Variants in CPT1A observed in about 807,000 individuals in gnomAD.
The protein encoded by CPT1A is carnitine O-palmitoyltransferase 1, liver isoform.
In CPT1A, 64 loss-of-function variants were observed where a neutral mutation model predicts 100.8. The ratio of observed to expected loss-of-function variants is 0.63; its 90% CI spans 0.52 to 0.78. The LOEUF (loss-of-function observed/expected upper bound fraction) is 0.78, where lower values mean the gene tolerates loss of function less well. CPT1A is among the 30% of genes least tolerant of loss of function. The probability of loss-of-function intolerance (pLI) is 0.00; values close to 1 mark genes in which losing one functional copy is unlikely to be tolerated. For synonymous variants in CPT1A, 363 were observed against 396.0 expected (o/e 0.92, Z 0.99); for missense variants, 802 against 1,034.1 (o/e 0.78, Z 3.08).
intron 1 of CPT1A, among the ~76,000 whole-genome samples, chr11:68,826,404 C>A (rs995011822): frequency 6.6e-6 from 1 of 150,412 alleles, no homozygotes; most frequent in Non-Finnish European, 1.5e-5. Flanking sequence ...CGAGACCAGG[C>A]CACTGCACTC....
chr11:68,839,885 T>TTCCCC (rs1225881402), intron 1 of CPT1A, among the ~76,000 whole-genome samples: 3 of 152,160 alleles, frequency 2.0e-5, no homozygotes, highest in African/African-American at 7.2e-5. Flanking sequence ...TTTAATTCTC[T>TTCCCC]TCCCCTCCAG....
At chr11:68,825,103 C>G (rs1366956683) in intron 1 of CPT1A, among the ~76,000 whole-genome samples, 1 of 151,996 alleles carries the variant, frequency 6.6e-6, no homozygotes, top group African/African-American at 2.4e-5. Flanking sequence ...TATCTTTTAT[C>G]ATATCTGGGA....
chr11:68,762,946 T>TC (rs1477343608), intron 14 of CPT1A, among the ~76,000 whole-genome samples, 185 bp from the exon 15 acceptor site: 8 of 152,092 alleles, frequency 5.3e-5, no homozygotes, highest in Non-Finnish European at 1.2e-4. Flanking sequence ...AGCTTCAACC[T>TC]CCCCCTGCTC....
intron 9 of CPT1A, 66 bp downstream of exon 9, chr11:68,793,249 C>T (rs542321084): frequency 8.0e-7 from 1 of 1,245,416 alleles, no homozygotes; most frequent in Non-Finnish European, 1.1e-6. Flanking sequence ...TTTGACACTT[C>T]CTAATTCTGA....
rs1388277246 is a variant in CPT1A at position 68,793,295 on chromosome 11, C to T, written c.967+20G>A. On this transcript the variant is annotated intron_variant, in intron 9 of 18. Coordinates refer to ENST00000265641, the MANE Select transcript of CPT1A (RefSeq NM_001876.4). ...GGAAAGTGCCGATTCTCCAGGGGGC[C>T]CTGAAGAAGCTTGACTCACCTGTCT... is the stretch of plus-strand genomic sequence containing the variant. 7 of 1,587,464 alleles carry T rather than the reference C, an allele frequency of 4.4e-6. No homozygotes were observed. In the Admixed American group the frequency reaches 5.1e-5, roughly 12 times the overall value.
intron 1 of CPT1A, among the ~76,000 whole-genome samples, chr11:68,826,894 AACAG>A (rs1334343444): frequency 6.6e-6 from 1 of 152,158 alleles, no homozygotes; most frequent in African/African-American, 2.4e-5. Flanking sequence ...CCTTCCTGGA[AACAG>A]ACAGCAGCCA....
At chr11:68,785,419 G>T (rs1376882737) in intron 9 of CPT1A, among the ~76,000 whole-genome samples, 1 of 151,808 alleles carries the variant, frequency 6.6e-6, no homozygotes, top group Non-Finnish European at 1.5e-5. Flanking sequence ...AAATTAGCCA[G>T]GTGTGGTGAC....
Position 68,773,384 on chromosome 11 carries a change from C to T in CPT1A, c.1621G>A (p.Ala541Thr). Residue 541 changes from alanine to threonine, a missense_variant, in exon 14 of 19, where the codon GCA becomes ACA. Ala to Thr is a moderately conservative substitution (Grantham distance 58). Around this residue, in one of 4 missense-constraint regions of CPT1A, gnomAD observed 627 missense variants for 799.3 expected, o/e 0.78. Coordinates refer to ENST00000265641, the MANE Select transcript of CPT1A (RefSeq NM_001876.4). ...ETSLNTANLL[A>T]NDVDFHSFPF... is the part of the protein sequence containing the mutation. ...AAGGAATGGAAATCCACGTCGTTTG[C>T]CAGAAGATTTGCGGTGTTCAGGGAG... 6.2e-7 allele frequency: 1 copy of T among 1,614,116 alleles called. No homozygotes were observed. The highest frequency in any genetic ancestry group is 8.5e-7 in the Non-Finnish European group (1 of 1,180,012).
intron 9 of CPT1A, chr11:68,785,871 C>T (rs1855449386): frequency 7.5e-6 from 4 of 533,442 alleles, no homozygotes; most frequent in East Asian, 3.2e-5. Context: ...ATTACGAAAC[C>T]AAGCCATTCC....
intron 10 of CPT1A, among the ~76,000 whole-genome samples, chr11:68,783,434 G>A (rs1346805365): frequency 1.3e-5 from 2 of 151,972 alleles, no homozygotes; most frequent in Non-Finnish European, 2.9e-5. Context: ...CGGGGCATGC[G>A]GCTCCACCCC....
chr11:68,764,815 G>A (rs983033674), intron 14 of CPT1A, among the ~76,000 whole-genome samples: 5 of 152,272 alleles, frequency 3.3e-5, no homozygotes, highest in Non-Finnish European at 5.9e-5. Flanking sequence ...CAAGAGCAGC[G>A]GCTTTGCAGA....
intron 14 of CPT1A, among the ~76,000 whole-genome samples, chr11:68,770,022 T>C (rs1226564038): frequency 6.0e-5 from 9 of 150,162 alleles, no homozygotes; most frequent in Non-Finnish European, 3.0e-5. Flanking sequence ...ATCGTGCCAC[T>C]GCACTCCAGC....
chr11:68,760,303 C>G lies in CPT1A; in HGVS notation c.2064G>C (p.Gln688His). The part of the protein sequence containing the change: ...LSEPWRLSTS[Q>H]TPQQQVELFD... ...ACAGCTCCACTTGCTGCTGAGGGGT[C>G]TGGCTTGTTGATAATCTCCAAGGCT... The change falls in exon 17 of 19, where the codon CAG becomes CAC. Residue 688 changes from glutamine to histidine, a missense_variant. Physicochemically the swap from Gln to His is conservative, Grantham distance 24. Coordinates refer to ENST00000265641, the MANE Select transcript of CPT1A (RefSeq NM_001876.4). The G allele has an allele frequency of 6.2e-7, 1 of 1,612,812 alleles. No homozygotes were observed. Among genetic ancestry groups the G allele is most frequent in the Non-Finnish European group, 8.5e-7 (1 of 1,179,636 alleles).
intron 10 of CPT1A, among the ~76,000 whole-genome samples, chr11:68,784,520 C>T (rs569657101): frequency 2.6e-5 from 4 of 151,946 alleles, no homozygotes; most frequent in African/African-American, 9.6e-5. Context: ...GGTGACAGAG[C>T]GAGACTTCGT....
At chr11:68,822,876 C>T (rs1856622894) in intron 1 of CPT1A, among the ~76,000 whole-genome samples, 1 of 152,104 alleles carries the variant, frequency 6.6e-6, no homozygotes, top group South Asian at 2.1e-4. Context: ...ATGTCTGGAA[C>T]AAGCAAATCT....
At chr11:68,796,629 T>C (rs1224132672) in intron 7 of CPT1A, among the ~76,000 whole-genome samples, 1 of 152,190 alleles carries the variant, frequency 6.6e-6, no homozygotes, top group Non-Finnish European at 1.5e-5. Flanking sequence ...CAGAAACTTA[T>C]TTTTGCAACC....
At chr11:68,803,902 T>C (rs2154000535) in intron 5 of CPT1A, 98 bp downstream of exon 5, 1 of 972,766 alleles carries the variant, frequency 1.0e-6, no homozygotes, top group East Asian at 2.4e-5. Context: ...TGAAGGCTAC[T>C]TGAGCCAAAT....
chr11:68,770,733 G>A (rs962020355), intron 14 of CPT1A, among the ~76,000 whole-genome samples: 1 of 152,194 alleles, frequency 6.6e-6, no homozygotes, highest in African/African-American at 2.4e-5. Flanking sequence ...GCCACTGTGG[G>A]TGACTATTCT....
intron 1 of CPT1A, among the ~76,000 whole-genome samples, chr11:68,820,480 C>T (rs879388887): frequency 2.0e-5 from 3 of 151,848 alleles, no homozygotes; most frequent in Middle Eastern, 3.4e-3. Flanking sequence ...GTCAGGGGTT[C>T]GAGACCAGCC....
Sources: gnomAD v4.1 joint callset for allele counts (sites outside exome capture counted in the v4.1 genomes callset) on GRCh38, gnomAD v4.1.1 for gene constraint, gnomAD v4.1.1 regional missense constraint, MANE v1.5 for transcripts, NCBI Gene and HGNC (gene_info 2026-07-23, HGNC 2026-07-21) for gene names.